The following OSGIN2 variants were observed in gnomAD, a reference collection of about 807,000 sequenced individuals.
OSGIN2 encodes the protein oxidative stress-induced growth inhibitor 2.
Under a neutral mutation model 53.8 loss-of-function variants are expected in OSGIN2, and 19 were observed. That is an observed-to-expected ratio of 0.35 (90% CI 0.25 to 0.52). The LOEUF (loss-of-function observed/expected upper bound fraction) is 0.52. OSGIN2 is among the 20% of genes least tolerant of loss of function. The probability of loss-of-function intolerance (pLI) is 0.95; values close to 1 mark genes in which losing one functional copy is unlikely to be tolerated. For missense variants in OSGIN2, 520 were observed against 662.7 expected, an observed-to-expected ratio of 0.78 and a Z score of 2.36; for synonymous variants, 236 against 236.0, an observed-to-expected ratio of 1.00 and a Z score of 0.00.
At chr8:89,919,179 G>T (rs1189109970) in intron 4 of OSGIN2, among the ~76,000 whole-genome samples, 5 of 152,168 alleles carry the variant, frequency 3.3e-5, no homozygotes, top group Non-Finnish European at 5.9e-5. Context: ...GCATGCTTTT[G>T]TTGGGGAGTC....
intron 1 of OSGIN2, among the ~76,000 whole-genome samples, chr8:89,907,687 G>A (rs1808869296): frequency 1.3e-5 from 2 of 152,134 alleles, no homozygotes. Context: ...GAAGTCAGGT[G>A]AGGTGATGCT....
chr8:89,914,727 C>A lies in OSGIN2; in HGVS notation c.509C>A (p.Pro170Gln). The change falls in exon 4 of 6, where the codon CCA becomes CAA. Residue 170 changes from proline to glutamine, a missense_variant. This residue lies in a region of OSGIN2 where 203 missense variants were observed against 275.3 expected (regional missense o/e 0.74). Transcript: ENST00000451899. ...CCTCACGTAGTTCTTGGTAAAGGTC[C>A]ACCTGGTGGGGCTTGGCATGTGAGT... ...YIPHVVLGKGPPGGAWHNMEG... is the reference protein window; with the variant it reads ...YIPHVVLGKGQPGGAWHNMEG... 2 of 1,613,586 alleles carry A rather than the reference C, an allele frequency of 1.2e-6. No individual in the cohort carries two copies. Among genetic ancestry groups the A allele is most frequent in the Non-Finnish European group, 1.7e-6 (2 of 1,179,576 alleles).
intron 5 of OSGIN2, 26 bp from the exon 6 acceptor site, chr8:89,924,477 G>C (rs1480961927): frequency 6.6e-7 from 1 of 1,518,108 alleles, no homozygotes; most frequent in Admixed American, 2.1e-5. Context: ...TATCCTTATA[G>C]GATATTTTTC....
At chr8:89,917,000 T>C (rs1347623784) in intron 4 of OSGIN2, among the ~76,000 whole-genome samples, 1 of 152,194 alleles carries the variant, frequency 6.6e-6, no homozygotes, top group East Asian at 1.9e-4. Context: ...GTCTCCAGAC[T>C]GTCTCCATTT....
In OSGIN2 at chr8:89,924,816, C is replaced by T; in HGVS notation, c.934C>T (p.Pro312Ser). ...GCTGGCAACTGGAACGCTGGATTCT[C>T]CTGCCCATCTGGAAATTGAAGGGGA... Reference protein sequence around the residue: ...VALATGTLDSPAHLEIEGEDF... With the variant: ...VALATGTLDSSAHLEIEGEDF... The change falls in exon 6 of 6, where the codon CCT becomes TCT. Residue 312 changes from proline (P) to serine (S), a missense_variant. Transcript: ENST00000451899. The T allele has an allele frequency of 6.2e-7, 1 of 1,614,168 alleles. No individual in the cohort carries two copies.
intron 1 of OSGIN2, among the ~76,000 whole-genome samples, chr8:89,908,969 C>T (rs1808895580): frequency 7.9e-6 from 1 of 126,808 alleles, no homozygotes; most frequent in African/African-American, 3.1e-5. Flanking sequence ...CATGCTTGCG[C>T]CATTATACTC....
intron 1 of OSGIN2, among the ~76,000 whole-genome samples, chr8:89,904,528 AT>A (rs199636091): frequency 6.3e-4 from 93 of 148,066 alleles, no homozygotes; most frequent in African/African-American, 8.1e-4. Flanking sequence ...TGTCTAAAGT[AT>A]TTTTTTTTTT....
chr8:89,922,633 CGACT>C (rs1427246563), intron 5 of OSGIN2, among the ~76,000 whole-genome samples: 2 of 152,032 alleles, frequency 1.3e-5, no homozygotes, highest in Non-Finnish European at 2.9e-5. Flanking sequence ...GTTTGAGTTC[CGACT>C]TATGACTTCT....
At chr8:89,906,827 C>T (rs921504624) in intron 1 of OSGIN2, among the ~76,000 whole-genome samples, 1 of 152,084 alleles carries the variant, frequency 6.6e-6, no homozygotes, top group Non-Finnish European at 1.5e-5. Flanking sequence ...AATGGTATTT[C>T]TATCTTTAGG....
rs745890568 is a variant in OSGIN2 at position 89,924,818 on chromosome 8, T to C, written c.936T>C (p.Pro312=). Residue 312 remains proline (P), a synonymous_variant, in exon 6 of 6, where the codon CCT becomes CCC. Transcript: ENST00000451899. ...VALATGTLDS[P]AHLEIEGEDF... ...TGGCAACTGGAACGCTGGATTCTCC[T>C]GCCCATCTGGAAATTGAAGGGGAAG... is the stretch of plus-strand genomic sequence containing the variant. 1.7e-5 allele frequency: 27 copies of C among 1,614,188 alleles called. No individual in the cohort carries two copies. The highest frequency in any genetic ancestry group is 2.3e-5 in the Non-Finnish European group (27 of 1,180,010).
chr8:89,910,179 A>G (rs1328331652), intron 2 of OSGIN2, among the ~76,000 whole-genome samples: 1 of 152,238 alleles, frequency 6.6e-6, no homozygotes, highest in Non-Finnish European at 1.5e-5. Flanking sequence ...ATAGTACTCT[A>G]AGGTAATGTT....
intron 1 of OSGIN2, among the ~76,000 whole-genome samples, chr8:89,908,475 A>G (rs781463597): frequency 3.3e-5 from 5 of 152,044 alleles, no homozygotes; most frequent in African/African-American, 1.2e-4. Context: ...CTGTTTATCA[A>G]CCTCCTCTGG....
rs984772593 is a variant in OSGIN2, at chr8:89,927,742, A to T, written c.*2210A>T. 7.9e-5 allele frequency: 12 copies of T among 152,240 alleles called. No homozygotes were observed. Among genetic ancestry groups the T allele is most frequent in the African/African-American group, 2.9e-4 (12 of 41,464 alleles). The allele number at this position is 152,240 out of a possible 1,614,324, so 9.4% of individuals were successfully genotyped here. A position where few individuals can be genotyped will look rare whatever the true frequency, so the allele number is the denominator to read the frequency against. ...CAGCTTCCAGTGTTTTGACTATGTG[A>T]ACCATATCCAACTACTTTTTTGAAA... On this transcript the variant is annotated 3_prime_UTR_variant, in exon 6 of 6. Transcript: ENST00000451899.
intron 4 of OSGIN2, among the ~76,000 whole-genome samples, chr8:89,919,010 A>G (rs565777960): frequency 1.3e-5 from 2 of 152,324 alleles, no homozygotes; most frequent in African/African-American, 4.8e-5. Flanking sequence ...TTTCTAAATT[A>G]CATGTCTGAG....
In OSGIN2 at chr8:89,925,795, G is replaced by T; in HGVS notation, c.*263G>T. On this transcript the variant is annotated 3_prime_UTR_variant, in exon 6 of 6. Coordinates refer to ENST00000451899, the MANE Select transcript of OSGIN2 (RefSeq NM_001126111.3). The stretch of plus-strand genomic sequence containing the variant: ...CATTTAACTAAAACATTCTTTTCTT[G>T]CAAAACTTATTTTTCATGATCATTT... The T allele has an allele frequency of 2.9e-6, 1 of 347,490 alleles. No homozygotes were observed. Among genetic ancestry groups the T allele is most frequent in the Non-Finnish European group, 5.2e-6 (1 of 191,576 alleles). The allele number at this position is 347,490 out of a possible 1,614,324, so 21.5% of individuals were successfully genotyped here.
intron 4 of OSGIN2, 62 bp from the exon 5 acceptor site, chr8:89,921,018 C>CA (rs1216750677): frequency 1.2e-4 from 117 of 1,004,818 alleles, no homozygotes; most frequent in South Asian, 1.5e-4. Context: ...AAAAACAGAC[C>CA]AAAAAAAACC....
chr8:89,925,148 T>C lies in OSGIN2; in HGVS notation c.1266T>C (p.Phe422=). The C allele has an allele frequency of 6.2e-7, 1 of 1,614,074 alleles. No individual in the cohort carries two copies. Among genetic ancestry groups the C allele is most frequent in the Non-Finnish European group, 8.5e-7 (1 of 1,179,920 alleles). The change falls in exon 6 of 6, where the codon TTT becomes TTC. Residue 422 remains phenylalanine (F), a synonymous_variant. Coordinates refer to ENST00000451899, the MANE Select transcript of OSGIN2 (RefSeq NM_001126111.3). ...ATCTTTTATCTGATTATACCAGCTTTCCCGAGCACCGTGTGCTTTCCTTTA... is the reference window on the plus strand; with the variant it reads ...ATCTTTTATCTGATTATACCAGCTTCCCCGAGCACCGTGTGCTTTCCTTTA... ...DSNLLSDYTS[F]PEHRVLSFKS... is the part of the protein sequence containing the mutation.
chr8:89,914,471 T>C (rs1385429994), intron 3 of OSGIN2, 84 bp from the exon 4 acceptor site: 8 of 1,017,558 alleles, frequency 7.9e-6, no homozygotes, highest in Admixed American at 2.4e-5. Context: ...CTTTTTATCA[T>C]TGGAGCATCA....
At chr8:89,910,708 A>T (rs1286064480) in intron 2 of OSGIN2, among the ~76,000 whole-genome samples, 1 of 152,162 alleles carries the variant, frequency 6.6e-6, no homozygotes, top group African/African-American at 2.4e-5. Flanking sequence ...TCCTGAATGA[A>T]TGGAGGAATC....
Sources: allele counts gnomAD v4.1 joint callset (sites outside exome capture counted in the v4.1 genomes callset), GRCh38; gene constraint gnomAD v4.1.1; regional missense constraint gnomAD v4.1.1; transcripts MANE v1.5; gene names NCBI Gene and HGNC (gene_info 2026-07-23, HGNC 2026-07-21).